Variants in SRGAP3 observed in about 807,000 individuals in gnomAD.
SRGAP3 encodes SLIT-ROBO Rho GTPase activating protein 3, also known as SLIT-ROBO Rho GTPase-activating protein 3.
Under a neutral mutation model 121.1 loss-of-function variants are expected in SRGAP3, and 39 were observed. The ratio of observed to expected loss-of-function variants is 0.32; its 90% CI spans 0.25 to 0.42. The LOEUF (loss-of-function observed/expected upper bound fraction) is 0.42, where lower values mean the gene tolerates loss of function less well. Among genes scored for constraint, SRGAP3 ranks in the 10% least tolerant of loss-of-function variants. The pLI, the probability that SRGAP3 is intolerant of heterozygous loss-of-function variation, is 1.00. For synonymous variants in SRGAP3, 601 were observed against 570.0 expected (o/e 1.05, Z -0.77); for missense variants, 1,213 against 1,470.6 (o/e 0.82, Z 2.86).
rs1941515845 is a variant in SRGAP3, at chr3:8,983,331, C to G, written c.*2188G>C. ...CTAAAGAGAAGGGTTCATTCTAGGC[C>G]AAACAAGGGAGGTCAAGTTTGACAC... On this transcript the variant is annotated 3_prime_UTR_variant, in exon 22 of 22. Coordinates refer to ENST00000383836, the MANE Select transcript of SRGAP3 (RefSeq NM_014850.4). The G allele has an allele frequency of 4.4e-6, 1 of 228,400 alleles. No homozygotes were observed. The highest frequency in any genetic ancestry group is 8.7e-6 in the Non-Finnish European group (1 of 115,134). The allele number at this position is 228,400 out of a possible 1,614,324, so 14.1% of individuals were successfully genotyped here.
intron 1 of SRGAP3, among the ~76,000 whole-genome samples, chr3:9,336,125 T>C (rs1955688734): frequency 6.6e-6 from 1 of 152,118 alleles, no homozygotes; most frequent in South Asian, 2.1e-4. Flanking sequence ...AGTATTTTGG[T>C]CATCCCCACA....
chr3:9,296,831 C>T (rs1286056379), intron 3 of SRGAP3, among the ~76,000 whole-genome samples: 3 of 152,198 alleles, frequency 2.0e-5, no homozygotes, highest in African/African-American at 7.2e-5. Context: ...TTATCATCCC[C>T]TATTATGGAA....
chr3:9,091,377 T>TCAA lies in SRGAP3; in HGVS notation c.424-11293_424-11291dup, dbSNP rs559137871. Among the ~76,000 whole-genome samples, 341 of 151,972 alleles carry TCAA rather than the reference T, an allele frequency of 2.2e-3. 3 individuals carry two copies. Among genetic ancestry groups the TCAA allele is most frequent in the African/African-American group, 7.4e-3 (306 of 41,452 alleles). On this transcript the variant is annotated intron_variant, in intron 3 of 21. Transcript: ENST00000383836. ...AACAACAACAGGAAACAAATACAAC[T>TCAA]CAACAACAACAACAACAACAACAAA...
At position 9,056,245 on chromosome 3, in the gene SRGAP3, T is replaced by C; in HGVS notation, c.1113A>G (p.Ile371Met). Residue 371 changes from isoleucine (I) to methionine (M), a missense_variant, in exon 8 of 22, where the codon ATA becomes ATG. Ile to Met is a conservative substitution (Grantham distance 10). This residue lies in a region of SRGAP3 where 793 missense variants were observed against 1,032.9 expected (regional missense o/e 0.77). Transcript: ENST00000383836. ...QLQSRLATLK[I>M]ENEEVRKTLD... ...GGGGCTCACTCACCTCCTCATTCTCTATCTTGAGGGTGGCCAGTCTGGACT... is the reference window on the plus strand; with the variant it reads ...GGGGCTCACTCACCTCCTCATTCTCCATCTTGAGGGTGGCCAGTCTGGACT... The C allele has an allele frequency of 6.2e-7, 1 of 1,614,064 alleles. No individual in the cohort carries two copies.
chr3:9,175,052 C>T (rs1252067759), intron 1 of SRGAP3, among the ~76,000 whole-genome samples: 3 of 152,104 alleles, frequency 2.0e-5, no homozygotes, highest in Admixed American at 6.5e-5. Context: ...CCCCTACATC[C>T]GAAACTCCCC....
intron 3 of SRGAP3, among the ~76,000 whole-genome samples, chr3:9,267,478 C>T (rs1387196595): frequency 6.6e-6 from 1 of 152,156 alleles, no homozygotes; most frequent in African/African-American, 2.4e-5. Context: ...CAGCTGGGGT[C>T]TGTTCTGGAT....
At chr3:9,342,029 G>A (rs148320000) in intron 1 of SRGAP3, among the ~76,000 whole-genome samples, 220 of 152,188 alleles carry the variant, frequency 1.4e-3, no homozygotes, top group African/African-American at 5.1e-3. Flanking sequence ...AACTTTTGCC[G>A]AAGTTTCAAT....
At chr3:9,274,683 G>A (rs773993601) in intron 3 of SRGAP3, among the ~76,000 whole-genome samples, 4 of 152,192 alleles carry the variant, frequency 2.6e-5, no homozygotes, top group African/African-American at 4.8e-5. Flanking sequence ...CAAATTGAAG[G>A]TAGTAAATGA....
intron 1 of SRGAP3, among the ~76,000 whole-genome samples, chr3:9,187,970 T>C (rs1170450549): frequency 6.6e-6 from 1 of 152,094 alleles, no homozygotes; most frequent in African/African-American, 2.4e-5. Flanking sequence ...ATGGGAACAA[T>C]AGATTTGGAA....
chr3:9,044,379 A>C (rs1288059964), intron 10 of SRGAP3, among the ~76,000 whole-genome samples: 1 of 152,238 alleles, frequency 6.6e-6, no homozygotes, highest in East Asian at 1.9e-4. Context: ...GTGGATATGC[A>C]GGACAAAGGG....
At chr3:9,065,717 A>G (rs1279133638) in intron 4 of SRGAP3, among the ~76,000 whole-genome samples, 1 of 152,174 alleles carries the variant, frequency 6.6e-6, no homozygotes, top group Non-Finnish European at 1.5e-5. Flanking sequence ...CTATGCCACA[A>G]TCTGTTTACT....
At chr3:9,080,673 GC>G (rs1476385865) in intron 3 of SRGAP3, among the ~76,000 whole-genome samples, 4 of 152,168 alleles carry the variant, frequency 2.6e-5, no homozygotes, top group African/African-American at 9.7e-5. Flanking sequence ...CGGTGGGTGA[GC>G]GGGCATTACC....
Position 9,024,146 on chromosome 3 carries a change from G to T in SRGAP3, c.1678+1115C>A, listed in dbSNP as rs143879814. ...CCAACAGGGGTAAACCATACCTTTTGGGATGTTATGTACTGCAAGTAAAGG... is the reference window on the plus strand; with the variant it reads ...CCAACAGGGGTAAACCATACCTTTTTGGATGTTATGTACTGCAAGTAAAGG... On this transcript the variant is annotated intron_variant, in intron 14 of 21. Coordinates refer to ENST00000383836, the MANE Select transcript of SRGAP3 (RefSeq NM_014850.4). Among the ~76,000 whole-genome samples the T allele has an allele frequency of 4.6e-3, 700 of 152,246 alleles. 6 individuals carry two copies. The highest frequency in any genetic ancestry group is 0.016 in the African/African-American group (670 of 41,536).
rs117667014 is a variant in SRGAP3 at position 9,225,751 on chromosome 3, T to C, written c.67+23134A>G. The stretch of plus-strand genomic sequence containing the variant: ...CAGGGATGGCAAACTCCAACACCTA[T>C]TGGGGCCAGGCAGGCCGGGTAAACA... On this transcript the variant is annotated intron_variant, in intron 1 of 21. Coordinates refer to ENST00000383836, the MANE Select transcript of SRGAP3 (RefSeq NM_014850.4). Among the ~76,000 whole-genome samples the C allele has an allele frequency of 1.4e-3, 212 of 152,126 alleles. 3 individuals carry two copies. In the East Asian group the frequency reaches 0.024, roughly 17 times the overall value.
intron 10 of SRGAP3, among the ~76,000 whole-genome samples, chr3:9,039,253 C>A (rs775262231): frequency 1.3e-5 from 2 of 152,166 alleles, no homozygotes; most frequent in African/African-American, 4.8e-5. Context: ...GTTCTTCCTG[C>A]CCTACAAGTT....
intron 1 of SRGAP3, among the ~76,000 whole-genome samples, chr3:9,200,285 G>C (rs1349120941): frequency 1.3e-5 from 2 of 152,190 alleles, no homozygotes; most frequent in Non-Finnish European, 2.9e-5. Flanking sequence ...ACTTTAGAAA[G>C]AACCTATATA....
intron 1 of SRGAP3, among the ~76,000 whole-genome samples, chr3:9,133,858 C>A (rs1175905253): frequency 3.9e-5 from 6 of 152,134 alleles, no homozygotes. Flanking sequence ...TCCAAAATAG[C>A]CTTAGGTTTG....
intron 1 of SRGAP3, among the ~76,000 whole-genome samples, chr3:9,185,195 T>C (rs551997223): frequency 1.3e-5 from 2 of 152,316 alleles, no homozygotes; most frequent in East Asian, 3.9e-4. Flanking sequence ...GGTTTCACAA[T>C]CACTACTGAC....
At chr3:9,340,077 C>G (rs1466329886) in intron 1 of SRGAP3, among the ~76,000 whole-genome samples, 5 of 152,120 alleles carry the variant, frequency 3.3e-5, no homozygotes, top group African/African-American at 1.2e-4. Context: ...GCAGTTCAGG[C>G]ACCAAATTGT....
Sources: gnomAD v4.1 joint callset for allele counts (sites outside exome capture counted in the v4.1 genomes callset) on GRCh38, gnomAD v4.1.1 for gene constraint, gnomAD v4.1.1 regional missense constraint, MANE v1.5 for transcripts, NCBI Gene and HGNC (gene_info 2026-07-23, HGNC 2026-07-21) for gene names.